Variants in EHBP1 observed in about 807,000 individuals in gnomAD.
The protein encoded by EHBP1 is EH domain-binding protein 1.
EHBP1 carries 55 observed loss-of-function variants against 144.0 expected under a neutral mutation model. The observed-to-expected ratio is 0.38, with a 90% CI of 0.31 to 0.48. The LOEUF is 0.48. Among genes scored for constraint, EHBP1 ranks in the 20% least tolerant of loss-of-function variants. EHBP1 has a pLI of 0.98. For synonymous variants in EHBP1, 469 were observed against 472.7 expected (o/e 0.99, Z 0.10); for missense variants, 1,200 against 1,364.2 (o/e 0.88, Z 1.90).
intron 1 of EHBP1, chr2:62,706,371 C>T (rs1339132119): frequency 6.6e-6 from 1 of 152,310 alleles, no homozygotes; most frequent in African/African-American, 2.4e-5. Flanking sequence ...ACATTGCCCT[C>T]TCTCTGCCTG....
At chr2:62,704,575 C>CT (rs147596175), upstream of EHBP1, among the ~76,000 whole-genome samples, 400 of 152,186 alleles carry the variant, frequency 2.6e-3, 2 homozygotes, top group African/African-American at 9.3e-3. Context: ...GCTTGCCTCT[C>CT]TTTTTTTTCC....
Position 62,939,245 on chromosome 2 carries a change from G to T in EHBP1, c.1186-3473G>T, listed in dbSNP as rs535299268. 1.3e-4 allele frequency among the ~76,000 whole-genome samples: 20 copies of T among 152,192 alleles called. 1 individual carries two copies. In the South Asian group the frequency reaches 3.9e-3, roughly 30 times the overall value. On this transcript the variant is annotated intron_variant, in intron 10 of 22. Transcript: ENST00000431489. ...AAGTGGATTCAGGAGTGCTGAATTG[G>T]GGTTGGATGATGGAAATGGATTGCT...
intron 18 of EHBP1, among the ~76,000 whole-genome samples, chr2:62,994,562 C>CT (rs2059556805): frequency 6.6e-6 from 1 of 152,048 alleles, no homozygotes; most frequent in Non-Finnish European, 1.5e-5. Context: ...GAGAAAGCTG[C>CT]TTTTGATGGA....
At chr2:62,807,664 G>T (rs1415056777) in intron 5 of EHBP1, among the ~76,000 whole-genome samples, 1 of 151,900 alleles carries the variant, frequency 6.6e-6, no homozygotes, top group Non-Finnish European at 1.5e-5. Context: ...CTTCTCTCTA[G>T]AGAACTTCTT....
At chr2:62,881,280 T>G (rs2051390065) in intron 10 of EHBP1, among the ~76,000 whole-genome samples, 1 of 151,990 alleles carries the variant, frequency 6.6e-6, no homozygotes, top group Non-Finnish European at 1.5e-5. Flanking sequence ...CAAAAAAATC[T>G]ACTTACTGGA....
intron 14 of EHBP1, among the ~76,000 whole-genome samples, chr2:62,978,326 G>A (rs188823526): frequency 7.5e-4 from 113 of 151,248 alleles, no homozygotes; most frequent in African/African-American, 2.5e-3. Context: ...TCAGCTTCCC[G>A]AGTAGCTGGG....
At chr2:62,734,104 G>A (rs1049357735) in intron 2 of EHBP1, among the ~76,000 whole-genome samples, 35 of 152,120 alleles carry the variant, frequency 2.3e-4, no homozygotes, top group Admixed American at 2.0e-4. Context: ...GAAAGTAGAA[G>A]TCTTTTTGTC....
At chr2:62,851,848 T>C (rs79486051) in intron 7 of EHBP1, among the ~76,000 whole-genome samples, 1,970 of 152,300 alleles carry the variant, frequency 0.013, 21 homozygotes, top group Middle Eastern at 0.034. Context: ...TGGAAACTAC[T>C]AGGACAGTTT....
intron 19 of EHBP1, among the ~76,000 whole-genome samples, chr2:63,025,167 G>A (rs1352580865): frequency 6.6e-6 from 1 of 150,892 alleles, no homozygotes; most frequent in East Asian, 1.9e-4. Context: ...GTGTAGATTA[G>A]GTAGATATTT....
intron 2 of EHBP1, among the ~76,000 whole-genome samples, chr2:62,733,483 A>AT (rs2037812868): frequency 1.3e-5 from 2 of 152,304 alleles, no homozygotes; most frequent in African/African-American, 4.8e-5. Flanking sequence ...CTATAGTCCT[A>AT]TAATCAGGCT....
At chr2:62,853,894 T>A (rs919665716) in intron 7 of EHBP1, among the ~76,000 whole-genome samples, 4 of 152,168 alleles carry the variant, frequency 2.6e-5, no homozygotes, top group African/African-American at 9.7e-5. Flanking sequence ...GAAGGCGTCT[T>A]TTTTTCTGCA....
chr2:62,697,812 A>G (rs1238692623), intron 1 of EHBP1, among the ~76,000 whole-genome samples: 1 of 152,230 alleles, frequency 6.6e-6, no homozygotes, highest in African/African-American at 2.4e-5. Context: ...AAGTCAACTG[A>G]AAGTTAATAA....
At chr2:62,805,521 T>C (rs2044377082) in intron 5 of EHBP1, among the ~76,000 whole-genome samples, 2 of 151,808 alleles carry the variant, frequency 1.3e-5, no homozygotes, top group African/African-American at 4.8e-5. Flanking sequence ...TGTATATTTA[T>C]TCATTTATTT....
intron 5 of EHBP1, among the ~76,000 whole-genome samples, chr2:62,806,716 A>G (rs1364238328): frequency 1.3e-5 from 2 of 151,784 alleles, no homozygotes; most frequent in South Asian, 4.2e-4. Context: ...TTCTCAGTTA[A>G]TTGTTAATTT....
intron 10 of EHBP1, among the ~76,000 whole-genome samples, chr2:62,925,337 G>C (rs970692655): frequency 6.6e-6 from 1 of 151,046 alleles, no homozygotes; most frequent in Non-Finnish European, 1.5e-5. Context: ...CATACTACTA[G>C]AAGTTCTAAG....
intron 5 of EHBP1, among the ~76,000 whole-genome samples, chr2:62,802,444 G>A (rs931332334): frequency 4.6e-5 from 7 of 152,226 alleles, no homozygotes; most frequent in African/African-American, 1.7e-4. Flanking sequence ...TGTTGTCTTA[G>A]CTTATTTTTC....
chr2:62,716,041 C>T (rs1572937440), intron 2 of EHBP1, among the ~76,000 whole-genome samples: 1 of 152,158 alleles, frequency 6.6e-6, no homozygotes, highest in East Asian at 1.9e-4. Flanking sequence ...CATTCTCTTA[C>T]TCCTACTCTT....
intron 13 of EHBP1, among the ~76,000 whole-genome samples, chr2:62,954,247 A>C (rs1194915719): frequency 6.6e-6 from 1 of 152,206 alleles, no homozygotes; most frequent in Non-Finnish European, 1.5e-5. Flanking sequence ...GCTTATTATT[A>C]GTGGGAGAGG....
At chr2:62,706,602 T>C (rs1335604374) in intron 1 of EHBP1, 1 of 153,004 alleles carries the variant, frequency 6.5e-6, no homozygotes. Context: ...TGCTCGCCCT[T>C]CAGTGATGCT....
Sources: allele counts gnomAD v4.1 joint callset (sites outside exome capture counted in the v4.1 genomes callset), GRCh38; gene constraint gnomAD v4.1.1; transcripts MANE v1.5; gene names NCBI Gene and HGNC (gene_info 2026-07-23, HGNC 2026-07-21).